The following MYO9B variants were observed in gnomAD, a reference collection of about 807,000 sequenced individuals.
MYO9B encodes the protein myosin IXB, also known as unconventional myosin-IXb.
Under a neutral mutation model 229.5 loss-of-function variants are expected in MYO9B, and 71 were observed. The observed-to-expected ratio is 0.31, with a 90% CI of 0.26 to 0.38. The LOEUF is 0.38. Ranked by LOEUF, MYO9B falls within the 10% of genes least tolerant of loss-of-function variation. The pLI, the probability that MYO9B is intolerant of heterozygous loss-of-function variation, is 1.00. For missense variants in MYO9B, 2,255 were observed against 2,920.5 expected, an observed-to-expected ratio of 0.77 and a Z score of 5.25; for synonymous variants, 1,185 against 1,235.8, an observed-to-expected ratio of 0.96 and a Z score of 0.86.
At chr19:17,147,260 A>G (rs2072421977) in intron 3 of MYO9B, among the ~76,000 whole-genome samples, 1 of 152,176 alleles carries the variant, frequency 6.6e-6, no homozygotes, top group African/African-American at 2.4e-5. Context: ...ACACAACATA[A>G]GGCCAGGCGT....
intron 1 of MYO9B, among the ~76,000 whole-genome samples, chr19:17,083,415 C>T (rs2057552982): frequency 6.6e-6 from 1 of 152,098 alleles, no homozygotes; most frequent in Admixed American, 6.6e-5. Flanking sequence ...TAGCAGCTGC[C>T]GTCTGCACTG....
intron 2 of MYO9B, among the ~76,000 whole-genome samples, chr19:17,121,915 G>A (rs1011172872): frequency 3.3e-5 from 5 of 152,146 alleles, no homozygotes; most frequent in Non-Finnish European, 5.9e-5. Flanking sequence ...GAGCCCGGGA[G>A]TTGGAGGTTG....
At chr19:17,154,714 C>A (rs2072518796) in intron 6 of MYO9B, among the ~76,000 whole-genome samples, 1 of 152,164 alleles carries the variant, frequency 6.6e-6, no homozygotes, top group African/African-American at 2.4e-5. Flanking sequence ...GTAATCCCAG[C>A]ACTTTGGGAG....
At chr19:17,190,815 T>A (rs943160474) in intron 19 of MYO9B, among the ~76,000 whole-genome samples, 17 of 152,006 alleles carry the variant, frequency 1.1e-4, no homozygotes, top group Non-Finnish European at 2.5e-4. Flanking sequence ...TCTGCCACCA[T>A]GCCCGGCTAA....
chr19:17,206,226 A>AACCCCCCCCCC, intron 32 of MYO9B, 22 bp from the exon 33 acceptor site: 40 of 654,224 alleles, frequency 6.1e-5, no homozygotes, highest in South Asian at 1.2e-4. Flanking sequence ...CGCTCACCAG[A>AACCCCCCCCCC]CCCACCCCAC....
At chr19:17,087,296 C>G (rs2057592425) in intron 1 of MYO9B, among the ~76,000 whole-genome samples, 1 of 151,904 alleles carries the variant, frequency 6.6e-6, no homozygotes. Context: ...AAGGGACTTT[C>G]TCCAGGGCGT....
At chr19:17,103,975 GA>G (rs779096099) in intron 2 of MYO9B, among the ~76,000 whole-genome samples, 12 of 151,062 alleles carry the variant, frequency 7.9e-5, no homozygotes, top group Non-Finnish European at 1.5e-4. Flanking sequence ...AGAATCGCTT[GA>G]ACCCGGTAGG....
intron 22 of MYO9B, among the ~76,000 whole-genome samples, chr19:17,196,404 G>A (rs1007199038): frequency 6.6e-6 from 1 of 152,026 alleles, no homozygotes; most frequent in African/African-American, 2.4e-5. Flanking sequence ...TAGAAGATGG[G>A]TAGAAATTAG....
intron 28 of MYO9B, 64 bp from the exon 29 acceptor site, chr19:17,202,778 C>T: frequency 6.6e-7 from 1 of 1,508,094 alleles, no homozygotes; most frequent in Non-Finnish European, 9.0e-7. Flanking sequence ...TATGGGGTGC[C>T]AGGGGTGGGT....
Position 17,200,628 on chromosome 19 carries a change from TC to T in MYO9B, c.4373-5del. The T allele has an allele frequency of 6.2e-7, 1 of 1,606,092 alleles. No individual in the cohort carries two copies. The highest frequency in any genetic ancestry group is 8.5e-7 in the Non-Finnish European group (1 of 1,175,978). On this transcript the variant is annotated splice_polypyrimidine_tract_variant and intron_variant, in intron 25 of 39. Transcript: ENST00000682292. The stretch of plus-strand genomic sequence containing the variant: ...ACCCACCCTCACCGGCTGCTTCCTG[TC>T]CCCCCTCAGCCCCCTCCGGACAGCA...
At chr19:17,160,012 G>A (rs1340815493) in intron 8 of MYO9B, among the ~76,000 whole-genome samples, 1 of 152,172 alleles carries the variant, frequency 6.6e-6, no homozygotes, top group African/African-American at 2.4e-5. Context: ...TCTCAAGCCT[G>A]TGACTCTAAA....
At chr19:17,136,278 C>T (rs1306969888) in intron 2 of MYO9B, among the ~76,000 whole-genome samples, 2 of 152,132 alleles carry the variant, frequency 1.3e-5, no homozygotes, top group South Asian at 2.1e-4. Flanking sequence ...TGCGTGAGCT[C>T]CAGACTATGG....
At chr19:17,092,356 A>G (rs1220145815) in intron 1 of MYO9B, among the ~76,000 whole-genome samples, 3 of 152,252 alleles carry the variant, frequency 2.0e-5, no homozygotes, top group Non-Finnish European at 4.4e-5. Context: ...CTGTGTGCAC[A>G]TACACAGGTG....
At chr19:17,170,849 A>G (rs1045775336) in intron 11 of MYO9B, among the ~76,000 whole-genome samples, 1 of 149,778 alleles carries the variant, frequency 6.7e-6, no homozygotes, top group Middle Eastern at 3.4e-3. Flanking sequence ...AAAAAAAAAA[A>G]GTAGAGACGG....
At chr19:17,099,727 A>G (rs570260973) in intron 1 of MYO9B, among the ~76,000 whole-genome samples, 76 of 148,588 alleles carry the variant, frequency 5.1e-4, no homozygotes, top group African/African-American at 1.7e-3. Context: ...CTGAGGCAGG[A>G]GAATGGCGTG....
intron 10 of MYO9B, among the ~76,000 whole-genome samples, chr19:17,164,924 C>A (rs1034034893): frequency 6.6e-6 from 1 of 152,154 alleles, no homozygotes; most frequent in African/African-American, 2.4e-5. Flanking sequence ...AGAACATACA[C>A]GGTCTCAGTA....
At chr19:17,105,482 G>A (rs532621872) in intron 2 of MYO9B, among the ~76,000 whole-genome samples, 5 of 152,148 alleles carry the variant, frequency 3.3e-5, no homozygotes, top group African/African-American at 7.2e-5. Flanking sequence ...GTGACAGAGC[G>A]AGACCCTGTC....
At chr19:17,142,896 C>T (rs2072359235) in intron 2 of MYO9B, among the ~76,000 whole-genome samples, 1 of 152,078 alleles carries the variant, frequency 6.6e-6, no homozygotes, top group Non-Finnish European at 1.5e-5. Flanking sequence ...TGAATGGTTA[C>T]AACTGAAAAG....
chr19:17,117,578 C>T lies in MYO9B; in HGVS notation c.840+15021C>T, dbSNP rs371373006. Among the ~76,000 whole-genome samples, 46 of 152,252 alleles carry T rather than the reference C, an allele frequency of 3.0e-4. No homozygotes were observed. The East Asian group carries it at 7.1e-3, about 24-fold the overall frequency. On this transcript the variant is annotated intron_variant, in intron 2 of 39. Transcript: ENST00000682292. Reference sequence around the variant, plus strand: ...CCTAGAGGGGGTTCTCTGTAAATCCCGGACAGTATCATCACCTCTTTAAGG... The same window carrying T: ...CCTAGAGGGGGTTCTCTGTAAATCCTGGACAGTATCATCACCTCTTTAAGG...
Sources: gnomAD v4.1 joint callset for allele counts (sites outside exome capture counted in the v4.1 genomes callset) on GRCh38, gnomAD v4.1.1 for gene constraint, MANE v1.5 for transcripts, NCBI Gene and HGNC (gene_info 2026-07-23, HGNC 2026-07-21) for gene names.